The following MRTFB variants were observed in gnomAD, a reference collection of about 807,000 sequenced individuals.
The protein encoded by MRTFB is myocardin-related transcription factor B.
Under a neutral mutation model 104.2 loss-of-function variants are expected in MRTFB, and 29 were observed. That is an observed-to-expected ratio of 0.28 (90% CI 0.21 to 0.38). The LOEUF is 0.38. MRTFB is among the 10% of genes least tolerant of loss of function. MRTFB has a pLI of 1.00. For synonymous variants in MRTFB, 535 were observed against 519.5 expected, an observed-to-expected ratio of 1.03 and a Z score of -0.41; for missense variants, 1,270 against 1,341.6, an observed-to-expected ratio of 0.95 and a Z score of 0.83.
intron 10 of MRTFB, chr16:14,241,552 A>C (rs1268419105): frequency 2.0e-5 from 3 of 152,234 alleles, no homozygotes; most frequent in Admixed American, 6.5e-5. Context: ...GCAAAAGCTC[A>C]TTATAATGAA....
At chr16:14,081,196 A>G (rs956107136) in intron 2 of MRTFB, among the ~76,000 whole-genome samples, 13 of 152,078 alleles carry the variant, frequency 8.5e-5, no homozygotes, top group South Asian at 2.1e-4. Context: ...AGCCATTCCA[A>G]CAGGAGTGAG....
chr16:14,152,479 G>T (rs934700179), intron 3 of MRTFB: 2 of 152,036 alleles, frequency 1.3e-5, no homozygotes, highest in African/African-American at 4.8e-5. Context: ...ACTAGAGGGG[G>T]TGGATCTATA....
intron 2 of MRTFB, among the ~76,000 whole-genome samples, chr16:14,117,348 C>G (rs1420750458): frequency 3.3e-5 from 5 of 152,340 alleles, no homozygotes; most frequent in Admixed American, 1.3e-4. Context: ...CCAGAAGGCC[C>G]TTACACCCTT....
intron 3 of MRTFB, among the ~76,000 whole-genome samples, chr16:14,210,036 A>G (rs2041125659): frequency 6.6e-6 from 1 of 152,232 alleles, no homozygotes; most frequent in African/African-American, 2.4e-5. Context: ...AAAAATTTAT[A>G]CTGTGTAAAC....
chr16:14,205,339 A>G (rs568677513), intron 3 of MRTFB, among the ~76,000 whole-genome samples: 5 of 152,306 alleles, frequency 3.3e-5, no homozygotes, highest in African/African-American at 9.6e-5. Context: ...AAATGGATTT[A>G]TAACCTCATC....
chr16:14,025,939 A>C, the MRTFB span, among the ~76,000 whole-genome samples: 1 of 152,206 alleles, frequency 6.6e-6, no homozygotes, highest in Non-Finnish European at 1.5e-5. Flanking sequence ...GAAAGTATAC[A>C]CTGAAAATTA....
chr16:14,249,044 C>T lies in MRTFB; in HGVS notation c.2366C>T (p.Pro789Leu), dbSNP rs529998084. The change falls in exon 13 of 17, where the codon CCG (proline) becomes CTG (leucine). Residue 789 changes from proline (P) to leucine (L), a missense_variant. Transcript: ENST00000571589. ...PTVPQTQDTF[P>L]QHVLSQPQQV... ...GTACCTCAGACACAAGACACGTTCCCGCAGCATGTGCTCAGTCAGCCTCAA... is the reference window on the plus strand; with the variant it reads ...GTACCTCAGACACAAGACACGTTCCTGCAGCATGTGCTCAGTCAGCCTCAA... 1.4e-5 allele frequency: 22 copies of T among 1,614,126 alleles called. No individual in the cohort carries two copies. The highest frequency in any genetic ancestry group is 1.1e-4 in the East Asian group (5 of 44,876).
chr16:14,245,737 A>T, intron 11 of MRTFB, 77 bp downstream of exon 11: 1 of 1,495,226 alleles, frequency 6.7e-7, no homozygotes, highest in South Asian at 1.3e-5. Flanking sequence ...TGTCTAGCAG[A>T]CATTAAGTAG....
chr16:14,090,841 A>G (rs2035013315), intron 2 of MRTFB, among the ~76,000 whole-genome samples: 1 of 150,338 alleles, frequency 6.7e-6, no homozygotes, highest in South Asian at 2.1e-4. Context: ...AAAGAAAACC[A>G]CTTTAATTTT....
chr16:14,244,315 CCAGTTGGGGCTATTAGGAATAACCCCA>C (rs2042921138), intron 10 of MRTFB, among the ~76,000 whole-genome samples: 1 of 152,086 alleles, frequency 6.6e-6, no homozygotes, highest in Admixed American at 6.5e-5. Context: ...TGGGTTGCTT[CCAGTTGGGGCTATTAGGAATAACCCCA>C]CAGTAAATAG....
At chr16:14,203,236 G>A (rs1377680217) in intron 3 of MRTFB, among the ~76,000 whole-genome samples, 3 of 151,550 alleles carry the variant, frequency 2.0e-5, no homozygotes, top group South Asian at 4.2e-4. Context: ...CTAACTCACA[G>A]ATAGCTGTTC....
the MRTFB span, among the ~76,000 whole-genome samples, chr16:14,059,995 T>A: frequency 6.9e-6 from 1 of 145,246 alleles, no homozygotes; most frequent in Non-Finnish European, 1.5e-5. Flanking sequence ...GAGAGACATG[T>A]AATTTTTTTT....
intron 3 of MRTFB, among the ~76,000 whole-genome samples, chr16:14,205,380 C>G (rs1021295590): frequency 6.6e-6 from 1 of 152,080 alleles, no homozygotes; most frequent in African/African-American, 2.4e-5. Context: ...CTTTGCCTGC[C>G]TCTTGTGAGT....
At chr16:14,136,388 C>T (rs2037722746) in intron 2 of MRTFB, among the ~76,000 whole-genome samples, 1 of 152,192 alleles carries the variant, frequency 6.6e-6, no homozygotes, top group South Asian at 2.1e-4. Flanking sequence ...TCTTCCCACT[C>T]ATTGGGCAAA....
intron 10 of MRTFB, among the ~76,000 whole-genome samples, chr16:14,243,795 C>T (rs979036710): frequency 6.6e-6 from 1 of 151,874 alleles, no homozygotes; most frequent in African/African-American, 2.4e-5. Flanking sequence ...ACCCCAAAAG[C>T]CCCCTTTGTC....
chr16:14,009,909 G>A, the MRTFB span: 1 of 151,912 alleles, frequency 6.6e-6, no homozygotes, highest in Non-Finnish European at 1.5e-5. Flanking sequence ...CCCCTGCCAC[G>A]ACTCCCCCTT....
intron 2 of MRTFB, among the ~76,000 whole-genome samples, chr16:14,099,050 C>A (rs561636218): frequency 3.3e-5 from 5 of 152,250 alleles, no homozygotes; most frequent in African/African-American, 1.2e-4. Context: ...GTTGTTTGAG[C>A]TATTCTGGGT....
At chr16:14,138,161 T>C (rs2037816748) in intron 2 of MRTFB, among the ~76,000 whole-genome samples, 1 of 152,166 alleles carries the variant, frequency 6.6e-6, no homozygotes, top group Non-Finnish European at 1.5e-5. Flanking sequence ...TCATCTTTTA[T>C]GCTATAGTTG....
intron 3 of MRTFB, chr16:14,141,841 G>GA (rs1555489293): frequency 4.3e-5 from 6 of 138,626 alleles, no homozygotes; most frequent in Non-Finnish European, 7.9e-5. Context: ...TTTGATAGGT[G>GA]TTTTTTTTTT....
Sources: allele counts gnomAD v4.1 joint callset (sites outside exome capture counted in the v4.1 genomes callset), GRCh38; gene constraint gnomAD v4.1.1; transcripts MANE v1.5; gene names NCBI Gene and HGNC (gene_info 2026-07-23, HGNC 2026-07-21).